Variants in CMC1 observed in about 807,000 individuals in gnomAD.
CMC1 encodes the protein COX assembly mitochondrial protein homolog.
A neutral mutation model predicts 14.1 loss-of-function variants in CMC1; 14 were observed. The observed-to-expected ratio is 0.99, with a 90% confidence interval of 0.66 to 1.55. CMC1 has a LOEUF of 1.55. Ranked by LOEUF, CMC1 falls within the 40% of genes most tolerant of loss-of-function variation. CMC1 has a pLI of 0.00. For synonymous variants in CMC1, 50 were observed against 38.4 expected, an observed-to-expected ratio of 1.30 and a Z score of -1.12; for missense variants, 127 against 123.8, an observed-to-expected ratio of 1.03 and a Z score of -0.12.
At chr3:28,280,469 A>G (rs1700830462) in intron 2 of CMC1, among the ~76,000 whole-genome samples, 1 of 152,214 alleles carries the variant, frequency 6.6e-6, no homozygotes, top group Non-Finnish European at 1.5e-5. Context: ...TTTCTGGGTA[A>G]GAAAACATAT....
chr3:28,307,372 A>T (rs1020294119), intron 2 of CMC1, among the ~76,000 whole-genome samples: 13 of 152,060 alleles, frequency 8.5e-5, no homozygotes, highest in Admixed American at 2.0e-4. Context: ...AAAAATAAAT[A>T]AAAAAAATTA....
intron 2 of CMC1, among the ~76,000 whole-genome samples, chr3:28,269,183 TA>T (rs1469678154): frequency 6.6e-6 from 1 of 152,202 alleles, no homozygotes; most frequent in East Asian, 1.9e-4. Flanking sequence ...AGGCATCCAC[TA>T]GGGGGCTTAG....
intron 2 of CMC1, among the ~76,000 whole-genome samples, chr3:28,289,373 A>G (rs1206779153): frequency 6.6e-6 from 1 of 152,038 alleles, no homozygotes; most frequent in African/African-American, 2.4e-5. Flanking sequence ...AAACACCTAA[A>G]TTATTTATTA....
intron 2 of CMC1, chr3:28,316,043 A>C (rs1702890849): frequency 4.9e-6 from 1 of 205,366 alleles, no homozygotes; most frequent in Non-Finnish European, 9.7e-6. Context: ...CCTTCATCTC[A>C]GAAGTCCTCT....
chr3:28,290,572 T>C (rs1701421088), intron 2 of CMC1, among the ~76,000 whole-genome samples: 1 of 152,176 alleles, frequency 6.6e-6, no homozygotes, highest in Admixed American at 6.6e-5. Flanking sequence ...TCTTTCTGTA[T>C]CCTTGAGTTT....
chr3:28,280,762 A>G (rs1700845368), intron 2 of CMC1, among the ~76,000 whole-genome samples: 1 of 152,228 alleles, frequency 6.6e-6, no homozygotes, highest in South Asian at 2.1e-4. Flanking sequence ...AAATTATGGT[A>G]CAGCCATAGG....
chr3:28,258,614 ATTTTTT>A (rs61323375), intron 1 of CMC1, among the ~76,000 whole-genome samples: 182 of 99,132 alleles, frequency 1.8e-3, no homozygotes, highest in Admixed American at 2.4e-3. Context: ...GTATTTCTGG[ATTTTTT>A]TTTTTTTTTT....
intron 1 of CMC1, 119 bp from the exon 2 acceptor site, chr3:28,263,172 G>T: frequency 3.0e-6 from 2 of 675,018 alleles, no homozygotes; most frequent in Non-Finnish European, 2.5e-6. Flanking sequence ...ATTTCATAAG[G>T]TTGTAAGTTT....
At chr3:28,288,566 T>TA (rs1327048374) in intron 2 of CMC1, among the ~76,000 whole-genome samples, 1 of 152,052 alleles carries the variant, frequency 6.6e-6, no homozygotes, top group African/African-American at 2.4e-5. Context: ...GTTTTATAGT[T>TA]ACTATTGAAG....
chr3:28,260,819 G>C (rs4680749), intron 1 of CMC1, among the ~76,000 whole-genome samples: 152,277 of 152,284 alleles, frequency 1, 76,135 homozygotes, highest in Middle Eastern at 1. Flanking sequence ...AAATACTTTC[G>C]CATTTCCTTT....
chr3:28,260,261 A>T (rs1699665141), intron 1 of CMC1, among the ~76,000 whole-genome samples: 1 of 151,854 alleles, frequency 6.6e-6, no homozygotes, highest in South Asian at 2.1e-4. Context: ...CATGAGGCAT[A>T]CTGGTGTGTA....
intron 1 of CMC1, among the ~76,000 whole-genome samples, chr3:28,243,230 A>G (rs1241697523): frequency 2.0e-5 from 3 of 151,784 alleles, no homozygotes; most frequent in East Asian, 1.9e-4. Context: ...TAATTTTTGT[A>G]TTTTTAGTAG....
intron 1 of CMC1, among the ~76,000 whole-genome samples, chr3:28,251,896 A>G (rs111332421): frequency 0.011 from 1,642 of 152,314 alleles, 25 homozygotes; most frequent in African/African-American, 0.038. Context: ...TACTTTCTCA[A>G]ATGTCTGCTC....
At chr3:28,316,263 G>A in intron 2 of CMC1, 70 bp from the exon 3 acceptor site, 1 of 747,832 alleles carries the variant, frequency 1.3e-6, no homozygotes, top group Non-Finnish European at 2.1e-6. Flanking sequence ...CTAAAAAGAA[G>A]AAAATTGTGT....
intron 2 of CMC1, among the ~76,000 whole-genome samples, chr3:28,272,232 C>G (rs916586679): frequency 1.3e-5 from 2 of 152,044 alleles, no homozygotes; most frequent in African/African-American, 4.8e-5. Flanking sequence ...GCCTGATTGC[C>G]CTGGCCACAA....
intron 1 of CMC1, among the ~76,000 whole-genome samples, chr3:28,249,273 A>G (rs369322390): frequency 3.9e-5 from 6 of 152,204 alleles, no homozygotes; most frequent in African/African-American, 9.6e-5. Flanking sequence ...GCTGCAGAGT[A>G]AGGAACCTTG....
chr3:28,243,408 T>C (rs1204043979), intron 1 of CMC1, among the ~76,000 whole-genome samples: 2 of 152,286 alleles, frequency 1.3e-5, no homozygotes, highest in Middle Eastern at 3.4e-3. Flanking sequence ...CTCATACGGA[T>C]GAGGAGACTG....
intron 2 of CMC1, among the ~76,000 whole-genome samples, chr3:28,275,625 C>T (rs886723695): frequency 1.3e-5 from 2 of 152,178 alleles, no homozygotes; most frequent in African/African-American, 4.8e-5. Context: ...TAACAAAGCA[C>T]TCTGGCTGCC....
intron 1 of CMC1, chr3:28,263,031 T>C (rs905021889): frequency 5.8e-6 from 2 of 342,734 alleles, no homozygotes; most frequent in African/African-American, 2.2e-5. Flanking sequence ...GAATATGTTA[T>C]AAAGTAAAGA....
Sources: gnomAD v4.1 joint callset for allele counts (sites outside exome capture counted in the v4.1 genomes callset) on GRCh38, gnomAD v4.1.1 for gene constraint, MANE v1.5 for transcripts, NCBI Gene and HGNC (gene_info 2026-07-23, HGNC 2026-07-21) for gene names.